Variants in TRRAP observed in about 807,000 individuals in gnomAD.
TRRAP encodes the protein transformation/transcription domain associated protein.
Under a neutral mutation model 438.8 loss-of-function variants are expected in TRRAP, and 41 were observed. The observed-to-expected ratio is 0.09, with a 90% CI of 0.07 to 0.12. The LOEUF (loss-of-function observed/expected upper bound fraction) is 0.12, where lower values mean the gene tolerates loss of function less well. Among genes scored for constraint, TRRAP ranks in the 10% least tolerant of loss-of-function variants. The pLI is 1.00. For synonymous variants in TRRAP, 1,994 were observed against 1,962.9 expected (o/e 1.02, Z -0.42); for missense variants, 3,122 against 5,055.1 (o/e 0.62, Z 11.60).
chr7:98,893,196 C>A (rs182724983), intron 5 of TRRAP, among the ~76,000 whole-genome samples: 1 of 152,152 alleles, frequency 6.6e-6, no homozygotes, highest in Non-Finnish European at 1.5e-5. Flanking sequence ...GTGATCCACC[C>A]GCTTTGGCCT....
In TRRAP at chr7:98,958,099, A is replaced by G; in HGVS notation, c.6342+8A>G. ...ATCCGCGTGGCCTGTCAGGTACGGGATCCAAGTGCCCTGCGTTAGGGCTTC... is the reference window on the plus strand; with the variant it reads ...ATCCGCGTGGCCTGTCAGGTACGGGGTCCAAGTGCCCTGCGTTAGGGCTTC... On this transcript the variant is annotated splice_region_variant and intron_variant, in intron 44 of 72. Coordinates refer to ENST00000456197, the MANE Select transcript of TRRAP (RefSeq NM_001375524.1). 1 of 1,613,006 alleles carries G rather than the reference A, an allele frequency of 6.2e-7. No homozygotes were observed. The highest frequency in any genetic ancestry group is 1.1e-5 in the South Asian group (1 of 90,882).
chr7:98,963,991 G>C (rs945950643), intron 47 of TRRAP, among the ~76,000 whole-genome samples: 2 of 151,100 alleles, frequency 1.3e-5, no homozygotes. Context: ...TGAGGCAGGA[G>C]AATTGCTTGA....
At chr7:98,899,326 C>G (rs1168617743) in intron 8 of TRRAP, 96 bp from the exon 9 acceptor site, 3 of 974,200 alleles carry the variant, frequency 3.1e-6, no homozygotes, top group Non-Finnish European at 4.8e-6. Context: ...GTTTTCCGTT[C>G]TCTCTCTTTC....
intron 27 of TRRAP, among the ~76,000 whole-genome samples, chr7:98,935,165 A>G (rs1554413927): frequency 6.6e-6 from 1 of 152,108 alleles, no homozygotes; most frequent in Non-Finnish European, 1.5e-5. Context: ...TCACTTAAAT[A>G]TTTGAATTAT....
intron 59 of TRRAP, among the ~76,000 whole-genome samples, chr7:98,982,807 G>C (rs1187941443): frequency 6.6e-6 from 1 of 152,182 alleles, no homozygotes; most frequent in Non-Finnish European, 1.5e-5. Context: ...TGAGAACCAC[G>C]TTTGCAGGTG....
At chr7:98,932,275 G>A (rs1268593329) in intron 26 of TRRAP, among the ~76,000 whole-genome samples, 3 of 151,784 alleles carry the variant, frequency 2.0e-5, no homozygotes, top group Non-Finnish European at 2.9e-5. Flanking sequence ...CACCACACCC[G>A]GCTAATTTTT....
intron 6 of TRRAP, among the ~76,000 whole-genome samples, chr7:98,894,922 C>T (rs935411715): frequency 3.3e-5 from 5 of 151,876 alleles, no homozygotes; most frequent in Admixed American, 1.3e-4. Flanking sequence ...AGGCATGAAC[C>T]GCCATGCCTG....
intron 26 of TRRAP, 38 bp from the exon 27 acceptor site, chr7:98,933,203 G>A (rs544324640): frequency 1.9e-6 from 3 of 1,570,106 alleles, no homozygotes; most frequent in African/African-American, 1.4e-5. Context: ...GTCTCAAGGG[G>A]CAGCTGGTGA....
intron 43 of TRRAP, among the ~76,000 whole-genome samples, chr7:98,957,036 C>T (rs1791651353): frequency 6.6e-6 from 1 of 152,132 alleles, no homozygotes; most frequent in African/African-American, 2.4e-5. Context: ...AGGCTGAGCT[C>T]TTCTCCCACC....
In TRRAP at chr7:98,976,199, G is replaced by A. The variant is rs767585456; in HGVS notation, c.7890G>A (p.Thr2630=). Residue 2630 remains threonine, a synonymous_variant, in exon 54 of 73, where the codon ACG becomes ACA. Transcript: ENST00000456197. This position sits in a 1 kb window ranked among gnomAD's most constrained non-coding sequence, Gnocchi z 4.6. ...AFVQLCHIST[T]LAEKTWVQLF... is the part of the protein sequence containing the mutation. Reference sequence around the variant, plus strand: ...TTCAGCTGTGCCACATTTCCACGACGCTGGCAGAGAAGACGTGGGTCCAGC... The same window carrying A: ...TTCAGCTGTGCCACATTTCCACGACACTGGCAGAGAAGACGTGGGTCCAGC... 37 of 1,614,016 alleles carry A rather than the reference G, an allele frequency of 2.3e-5. No individual in the cohort carries two copies. The Admixed American group carries it at 2.8e-4, about 12-fold the overall frequency.
intron 63 of TRRAP, 44 bp downstream of exon 63, chr7:98,989,010 C>T: frequency 6.3e-7 from 1 of 1,578,370 alleles, no homozygotes; most frequent in Non-Finnish European, 8.6e-7. Context: ...CATCTGTCAC[C>T]TTCAGATTTG....
At chr7:98,973,457 C>T (rs1792508435) in intron 53 of TRRAP, among the ~76,000 whole-genome samples, 1 of 152,118 alleles carries the variant, frequency 6.6e-6, no homozygotes. Flanking sequence ...GTATGTTGTG[C>T]GAGGGGTCAG....
At chr7:98,905,427 C>G (rs1796683519) in intron 12 of TRRAP, among the ~76,000 whole-genome samples, 1 of 152,214 alleles carries the variant, frequency 6.6e-6, no homozygotes, top group Non-Finnish European at 1.5e-5. Flanking sequence ...ATTCCAGAAC[C>G]TGAACACCCT....
chr7:98,936,176 G>A (rs1235363941), intron 28 of TRRAP, among the ~76,000 whole-genome samples: 2 of 152,226 alleles, frequency 1.3e-5, no homozygotes, highest in East Asian at 3.8e-4. Flanking sequence ...CTAGTGGGGA[G>A]TGAAGGTGAA....
At chr7:98,887,083 C>T (rs1795749152) in intron 3 of TRRAP, among the ~76,000 whole-genome samples, 2 of 151,704 alleles carry the variant, frequency 1.3e-5, no homozygotes, top group South Asian at 4.2e-4. Context: ...ATCTTTTTAA[C>T]TGGAGAAATT....
intron 1 of TRRAP, among the ~76,000 whole-genome samples, chr7:98,879,244 CAG>C (rs1795309335): frequency 6.6e-6 from 1 of 152,200 alleles, no homozygotes; most frequent in Non-Finnish European, 1.5e-5. Context: ...TGCTTTTCCT[CAG>C]ACACGCAGAA....
intron 52 of TRRAP, among the ~76,000 whole-genome samples, chr7:98,971,598 T>C (rs1792423679): frequency 6.6e-6 from 1 of 152,256 alleles, no homozygotes; most frequent in South Asian, 2.1e-4. Flanking sequence ...TTTATAGTCA[T>C]TTTTAAAAAG....
In TRRAP at chr7:98,948,118, C is replaced by T; in HGVS notation, c.4549-103C>T. 6.5e-7 allele frequency: 1 copy of T among 1,535,128 alleles called. No homozygotes were observed. The highest frequency in any genetic ancestry group is 8.9e-7 in the Non-Finnish European group (1 of 1,128,564). On this transcript the variant is annotated intron_variant, in intron 33 of 72. Transcript: ENST00000456197. The surrounding 1 kb of genome is among the most constrained non-coding windows in gnomAD (Gnocchi z 4.9). Reference sequence around the variant, plus strand: ...GTGAACCCTTCGCTTCACTGCCTAGCCTTGCCAACATAGTTAGACTATAGT... The same window carrying T: ...GTGAACCCTTCGCTTCACTGCCTAGTCTTGCCAACATAGTTAGACTATAGT...
At position 98,931,631 on chromosome 7, in the gene TRRAP, A is replaced by G. The variant is rs1356555384; in HGVS notation, c.3818A>G (p.Lys1273Arg). The G allele has an allele frequency of 6.2e-7, 1 of 1,614,096 alleles. No homozygotes were observed. Among genetic ancestry groups the G allele is most frequent in the African/African-American group, 1.3e-5 (1 of 74,946 alleles). ...CAGGTGTTGGCCCAGGTCACTGGGA[A>G]GAGTGTCACGGTGATCATGGAACCC... Reference protein sequence around the residue: ...SLQVLAQVTGKSVTVIMEPHK... With the variant: ...SLQVLAQVTGRSVTVIMEPHK... Residue 1273 changes from lysine to arginine, a missense_variant, in exon 26 of 73, where the codon AAG becomes AGG. Physicochemically the swap from Lys to Arg is conservative, Grantham distance 26. This residue lies in a region of TRRAP where 153 missense variants were observed against 223.0 expected (regional missense o/e 0.69). Transcript: ENST00000456197.
Sources: gnomAD v4.1 joint callset for allele counts (sites outside exome capture counted in the v4.1 genomes callset) on GRCh38, gnomAD v4.1.1 for gene constraint, gnomAD v4.1.1 regional missense constraint, Gnocchi (gnomAD v3.1) non-coding constraint, MANE v1.5 for transcripts, NCBI Gene and HGNC (gene_info 2026-07-23, HGNC 2026-07-21) for gene names.